The following SH3GLB1 variants were observed in gnomAD, a reference collection of about 807,000 sequenced individuals.
SH3GLB1 encodes SH3 domain containing GRB2 like, endophilin B1.
A neutral mutation model predicts 42.0 loss-of-function variants in SH3GLB1; 17 were observed. The observed-to-expected ratio is 0.40, with a 90% CI of 0.28 to 0.61. The LOEUF is 0.61. Ranked by LOEUF, SH3GLB1 falls within the 20% of genes least tolerant of loss-of-function variation. The pLI is 0.36. For synonymous variants in SH3GLB1, 132 were observed against 146.6 expected (o/e 0.90, Z 0.72); for missense variants, 355 against 426.3 (o/e 0.83, Z 1.47).
intron 4 of SH3GLB1, among the ~76,000 whole-genome samples, chr1:86,723,070 T>TTATAAATACTTATAAATATATAA (rs1654957644): frequency 6.6e-6 from 1 of 152,258 alleles, no homozygotes; most frequent in Admixed American, 6.5e-5. Flanking sequence ...TTTACAAAGC[T>TTATAAATACTTATAAATATATAA]GCTCTTATAA....
At chr1:86,733,688 A>G (rs896961914) in intron 5 of SH3GLB1, among the ~76,000 whole-genome samples, 1 of 152,302 alleles carries the variant, frequency 6.6e-6, no homozygotes, top group South Asian at 2.1e-4. Context: ...TGCTATTTTT[A>G]GATCTTGTTG....
At chr1:86,720,021 A>G (rs1193482856) in intron 3 of SH3GLB1, among the ~76,000 whole-genome samples, 1 of 150,050 alleles carries the variant, frequency 6.7e-6, no homozygotes, top group East Asian at 1.9e-4. Flanking sequence ...AAAAAAACAT[A>G]GTAGTAGAAT....
chr1:86,729,702 T>C (rs115600461), intron 5 of SH3GLB1, among the ~76,000 whole-genome samples: 1,562 of 152,248 alleles, frequency 0.01, 30 homozygotes, highest in African/African-American at 0.036. Flanking sequence ...AAAGACTGTT[T>C]CAGCAGCCAT....
chr1:86,746,150 C>T lies in SH3GLB1; in HGVS notation c.*2915C>T, dbSNP rs1441436656. ...GCCAGGATCACCAGTGGGGTAGAGT[C>T]ATCTTCATAGTCTCCTGTTATCCTC... On this transcript the variant is annotated 3_prime_UTR_variant, in exon 9 of 9. Transcript: ENST00000370558. 1 of 152,568 alleles carries T rather than the reference C, an allele frequency of 6.6e-6. No individual in the cohort carries two copies. The highest frequency in any genetic ancestry group is 6.5e-5 in the Admixed American group (1 of 15,270). 9.5% of individuals were successfully genotyped at this position (152,568 alleles called of 1,614,324 possible).
chr1:86,713,617 A>G (rs1044937862), intron 1 of SH3GLB1, among the ~76,000 whole-genome samples: 3 of 152,138 alleles, frequency 2.0e-5, no homozygotes, highest in Non-Finnish European at 4.4e-5. Flanking sequence ...TTACCTACTC[A>G]GAGATGCTGT....
Position 86,735,683 on chromosome 1 carries a change from G to T in SH3GLB1, c.761+504G>T, listed in dbSNP as rs572459807. Among the ~76,000 whole-genome samples the T allele has an allele frequency of 4.6e-5, 7 of 152,272 alleles. No homozygotes were observed. In the South Asian group the frequency reaches 1.4e-3, roughly 32 times the overall value. On this transcript the variant is annotated intron_variant, in intron 7 of 8. Transcript: ENST00000370558. Reference sequence around the variant, plus strand: ...CAAAGCTCAATCACTCATTCATCACGTATTTATTGACTATCTGCCATGTGC... The same window carrying T: ...CAAAGCTCAATCACTCATTCATCACTTATTTATTGACTATCTGCCATGTGC...
At chr1:86,717,505 C>G (rs1570416330) in intron 2 of SH3GLB1, among the ~76,000 whole-genome samples, 1 of 151,944 alleles carries the variant, frequency 6.6e-6, no homozygotes, top group African/African-American at 2.4e-5. Flanking sequence ...CTGCAACCTC[C>G]ACCTCCTGGG....
intron 1 of SH3GLB1, among the ~76,000 whole-genome samples, chr1:86,708,358 A>C (rs565212615): frequency 2.6e-5 from 4 of 152,338 alleles, no homozygotes; most frequent in African/African-American, 9.6e-5. Flanking sequence ...CACGTTTATA[A>C]ATAATAATTT....
chr1:86,705,615 C>T (rs1205540253), intron 1 of SH3GLB1, among the ~76,000 whole-genome samples: 1 of 152,114 alleles, frequency 6.6e-6, no homozygotes, highest in Non-Finnish European at 1.5e-5. Context: ...AGCTGTAGAT[C>T]AAGGAGAGAT....
chr1:86,707,503 A>G (rs1418772752), intron 1 of SH3GLB1, among the ~76,000 whole-genome samples: 1 of 152,182 alleles, frequency 6.6e-6, no homozygotes, highest in Non-Finnish European at 1.5e-5. Context: ...GATGACTCCA[A>G]GGTTTTGGCT....
chr1:86,718,608 C>G (rs545917653), intron 2 of SH3GLB1, among the ~76,000 whole-genome samples: 1 of 152,086 alleles, frequency 6.6e-6, no homozygotes, highest in Non-Finnish European at 1.5e-5. Context: ...CTTCCGCATG[C>G]GTAGGAATCT....
intron 7 of SH3GLB1, among the ~76,000 whole-genome samples, chr1:86,738,459 G>A (rs925285644): frequency 6.6e-6 from 1 of 151,914 alleles, no homozygotes. Flanking sequence ...TAGAGACAGG[G>A]TTTCACCGTG....
chr1:86,733,241 G>C (rs1472487186), intron 5 of SH3GLB1, among the ~76,000 whole-genome samples: 1 of 152,134 alleles, frequency 6.6e-6, no homozygotes, highest in Non-Finnish European at 1.5e-5. Context: ...ATTTCCGTAA[G>C]TCCAAGCTAG....
rs1656150641 is a variant in SH3GLB1, at chr1:86,743,266, T to G, written c.*31T>G. The G allele has an allele frequency of 6.8e-7, 1 of 1,472,754 alleles. No homozygotes were observed. The highest frequency in any genetic ancestry group is 9.3e-7 in the Non-Finnish European group (1 of 1,076,660). 91.2% of individuals were successfully genotyped at this position (1,472,754 alleles called of 1,614,324 possible). On this transcript the variant is annotated 3_prime_UTR_variant, in exon 9 of 9. Coordinates refer to ENST00000370558, the MANE Select transcript of SH3GLB1 (RefSeq NM_016009.5). Reference sequence around the variant, plus strand: ...TGGACTATGGAAAGGTTGCCCATCATGACTTTGTATTTATATACAATTAAC... The same window carrying G: ...TGGACTATGGAAAGGTTGCCCATCAGGACTTTGTATTTATATACAATTAAC...
At chr1:86,716,033 A>G (rs1337679786) in intron 2 of SH3GLB1, among the ~76,000 whole-genome samples, 168 bp downstream of exon 2, 1 of 152,178 alleles carries the variant, frequency 6.6e-6, no homozygotes, top group African/African-American at 2.4e-5. Flanking sequence ...ATAAACAGCT[A>G]TGTACCTAAC....
chr1:86,708,777 C>T (rs1654021679), intron 1 of SH3GLB1, among the ~76,000 whole-genome samples: 3 of 152,158 alleles, frequency 2.0e-5, no homozygotes, highest in African/African-American at 2.4e-5. Context: ...TTAGTCCAAA[C>T]TTCTTAGTTG....
chr1:86,717,718 A>T (rs1367653847), intron 2 of SH3GLB1, among the ~76,000 whole-genome samples: 6 of 152,126 alleles, frequency 3.9e-5, no homozygotes, highest in Non-Finnish European at 7.4e-5. Context: ...CACCATGCCC[A>T]GCCTGTGCTC....
intron 2 of SH3GLB1, among the ~76,000 whole-genome samples, chr1:86,716,564 T>G (rs1654546683): frequency 6.6e-6 from 1 of 152,224 alleles, no homozygotes; most frequent in Admixed American, 6.5e-5. Flanking sequence ...ATGACAGCCA[T>G]AAGCCACTGC....
intron 1 of SH3GLB1, among the ~76,000 whole-genome samples, chr1:86,710,246 T>C (rs1301797987): frequency 1.3e-5 from 2 of 151,566 alleles, no homozygotes; most frequent in Non-Finnish European, 2.9e-5. Flanking sequence ...TCTTTTAAAT[T>C]CATCATATTT....
Sources: gnomAD v4.1 joint callset for allele counts (sites outside exome capture counted in the v4.1 genomes callset) on GRCh38, gnomAD v4.1.1 for gene constraint, MANE v1.5 for transcripts, NCBI Gene and HGNC (gene_info 2026-07-23, HGNC 2026-07-21) for gene names.